Variants in PTPRD observed in about 807,000 individuals in gnomAD.
The protein encoded by PTPRD is protein tyrosine phosphatase receptor type D, also known as receptor-type tyrosine-protein phosphatase delta.
PTPRD carries 34 observed loss-of-function variants against 214.5 expected under a neutral mutation model. The observed-to-expected ratio is 0.16, with a 90% CI of 0.12 to 0.21. The LOEUF is 0.21. Ranked by LOEUF, PTPRD falls within the 10% of genes least tolerant of loss-of-function variation. PTPRD has a pLI of 1.00. For synonymous variants in PTPRD, 1,128 were observed against 845.7 expected (o/e 1.33, Z -5.79); for missense variants, 2,545 against 2,398.7 (o/e 1.06, Z -1.27).
chr9:9,820,169 T>C (rs75971064), intron 5 of PTPRD, among the ~76,000 whole-genome samples: 2,005 of 152,302 alleles, frequency 0.013, 31 homozygotes, highest in African/African-American at 0.045. Context: ...GACTTCTTAG[T>C]AATAACCATT....
At chr9:10,454,945 G>T (rs1224865779) in intron 2 of PTPRD, among the ~76,000 whole-genome samples, 1 of 151,648 alleles carries the variant, frequency 6.6e-6, no homozygotes, top group Admixed American at 6.6e-5. Context: ...TAACAGGCAA[G>T]AAATTAAAGT....
At chr9:9,844,788 C>G (rs1233103384) in intron 5 of PTPRD, among the ~76,000 whole-genome samples, 1 of 151,386 alleles carries the variant, frequency 6.6e-6, no homozygotes, top group Non-Finnish European at 1.5e-5. Flanking sequence ...ATACTTAAAA[C>G]TTGTTATTGA....
At chr9:10,306,034 A>G (rs774026996) in intron 3 of PTPRD, among the ~76,000 whole-genome samples, 3 of 152,116 alleles carry the variant, frequency 2.0e-5, no homozygotes, top group African/African-American at 2.4e-5. Flanking sequence ...AATGCCCATC[A>G]ATGATAGACT....
At chr9:9,960,785 T>C (rs1189972323) in intron 4 of PTPRD, among the ~76,000 whole-genome samples, 1 of 152,040 alleles carries the variant, frequency 6.6e-6, no homozygotes, top group Non-Finnish European at 1.5e-5. Flanking sequence ...TAATGTAATA[T>C]CCATGAACAT....
intron 5 of PTPRD, among the ~76,000 whole-genome samples, chr9:9,783,408 G>C (rs2098879103): frequency 6.6e-6 from 1 of 152,052 alleles, no homozygotes; most frequent in African/African-American, 2.4e-5. Flanking sequence ...AGCTTTGTTA[G>C]CCTACTGAAT....
intron 10 of PTPRD, among the ~76,000 whole-genome samples, chr9:9,034,327 C>G (rs1229111151): frequency 6.6e-6 from 1 of 152,090 alleles, no homozygotes; most frequent in African/African-American, 2.4e-5. Context: ...GTTATGAGCT[C>G]TGGAATGGAG....
At chr9:9,918,351 TAAA>T (rs3050147) in intron 5 of PTPRD, among the ~76,000 whole-genome samples, 23,051 of 101,948 alleles carry the variant, frequency 0.23, 2,195 homozygotes, top group African/African-American at 0.3. Flanking sequence ...ACCAAAGAGG[TAAA>T]AAAAAAAAAA....
chr9:8,822,557 G>C (rs1469057132), intron 11 of PTPRD, among the ~76,000 whole-genome samples: 1 of 152,116 alleles, frequency 6.6e-6, no homozygotes, highest in African/African-American at 2.4e-5. Context: ...GCTACCACAG[G>C]AGAAGGGATG....
At chr9:9,800,485 C>A (rs186393728) in intron 5 of PTPRD, 2 of 152,048 alleles carry the variant, frequency 1.3e-5, no homozygotes, top group East Asian at 1.9e-4. Flanking sequence ...TAAAAGCAAA[C>A]GGCCAATTGA....
At chr9:8,338,866 G>GAGAGAGAGAGAGAGA (rs1447045549) in intron 43 of PTPRD, 56 bp downstream of exon 43, 48 of 712,426 alleles carry the variant, frequency 6.7e-5, no homozygotes, top group South Asian at 2.0e-4. Flanking sequence ...AGAGAGAGAG[G>GAGAGAGAGAGAGAGA]TATCTTAGAC....
chr9:9,144,734 C>G (rs2099865837), intron 10 of PTPRD, among the ~76,000 whole-genome samples: 1 of 152,018 alleles, frequency 6.6e-6, no homozygotes, highest in South Asian at 2.1e-4. Flanking sequence ...ACCTAGGCGA[C>G]AGAGCGAGAC....
At chr9:10,370,298 C>T (rs117947614) in intron 2 of PTPRD, among the ~76,000 whole-genome samples, 8 of 152,218 alleles carry the variant, frequency 5.3e-5, no homozygotes, top group Non-Finnish European at 1.2e-4. Context: ...CGCATGTTCA[C>T]AAGCAAGCCA....
chr9:8,936,076 C>T (rs1296685056), intron 11 of PTPRD: 2 of 152,078 alleles, frequency 1.3e-5, no homozygotes, highest in Non-Finnish European at 2.9e-5. Context: ...TCTCGGATAA[C>T]AGAAGACATC....
In PTPRD at chr9:9,105,838, C is replaced by G. The variant is rs569633015; in HGVS notation, c.-143+77466G>C. 2.6e-5 allele frequency among the ~76,000 whole-genome samples: 4 copies of G among 152,226 alleles called. No individual in the cohort carries two copies. The South Asian group carries it at 8.3e-4, about 32-fold the overall frequency. ...GGGGTCTGAACTTTTATATTTCTGACTTCCTGCTATTTTAACTGTAAAGAA... is the reference window on the plus strand; with the variant it reads ...GGGGTCTGAACTTTTATATTTCTGAGTTCCTGCTATTTTAACTGTAAAGAA... On this transcript the variant is annotated intron_variant, in intron 10 of 45. Coordinates refer to ENST00000381196, the MANE Select transcript of PTPRD (RefSeq NM_002839.4).
chr9:8,384,593 T>C (rs2086317701), intron 37 of PTPRD, among the ~76,000 whole-genome samples: 1 of 152,180 alleles, frequency 6.6e-6, no homozygotes. Context: ...AATGGTGCAA[T>C]CTTGGCCCAC....
At chr9:9,690,008 C>T (rs372781661) in intron 7 of PTPRD, among the ~76,000 whole-genome samples, 6 of 151,706 alleles carry the variant, frequency 4.0e-5, no homozygotes, top group African/African-American at 4.8e-5. Flanking sequence ...ATCCAGTTAT[C>T]GGCTCCATAT....
chr9:9,733,445 G>C (rs986403376), intron 7 of PTPRD, among the ~76,000 whole-genome samples: 1 of 152,160 alleles, frequency 6.6e-6, no homozygotes, highest in African/African-American at 2.4e-5. Context: ...CAACATGACA[G>C]TTTACTATCA....
intron 27 of PTPRD, among the ~76,000 whole-genome samples, chr9:8,491,120 C>CT (rs2097140461): frequency 6.6e-6 from 1 of 152,220 alleles, no homozygotes; most frequent in Non-Finnish European, 1.5e-5. Context: ...ATTCTTCTGC[C>CT]TTCTTCCCAG....
At chr9:9,362,381 G>C (rs2056484775) in intron 9 of PTPRD, among the ~76,000 whole-genome samples, 1 of 150,830 alleles carries the variant, frequency 6.6e-6, no homozygotes, top group African/African-American at 2.4e-5. Flanking sequence ...ACTTTGTTAA[G>C]GGAAAAAAAC....
Sources: allele counts gnomAD v4.1 joint callset (sites outside exome capture counted in the v4.1 genomes callset), GRCh38; gene constraint gnomAD v4.1.1; transcripts MANE v1.5; gene names NCBI Gene and HGNC (gene_info 2026-07-23, HGNC 2026-07-21).